RIPOR2: variants seen among roughly 807,000 people sequenced by gnomAD.
RIPOR2 encodes the protein rho family-interacting cell polarization regulator 2.
RIPOR2 carries 39 observed loss-of-function variants against 114.5 expected under a neutral mutation model. That is an observed-to-expected ratio of 0.34 (90% CI 0.26 to 0.44). RIPOR2 has a LOEUF of 0.44. Among genes scored for constraint, RIPOR2 ranks in the 20% least tolerant of loss-of-function variants. The pLI, the probability that RIPOR2 is intolerant of heterozygous loss-of-function variation, is 1.00. For missense variants in RIPOR2, 1,007 were observed against 1,255.1 expected (o/e 0.80, Z 2.99); for synonymous variants, 445 against 484.4 (o/e 0.92, Z 1.07).
At chr6:24,902,439 A>T (rs1194870328) in intron 1 of RIPOR2, among the ~76,000 whole-genome samples, 1 of 151,468 alleles carries the variant, frequency 6.6e-6, no homozygotes, top group African/African-American at 2.4e-5. Context: ...CTGGTCTCGA[A>T]CTCCTGACCT....
intron 12 of RIPOR2, among the ~76,000 whole-genome samples, chr6:24,843,952 C>T (rs1255469725): frequency 6.6e-6 from 1 of 152,102 alleles, no homozygotes; most frequent in Non-Finnish European, 1.5e-5. Flanking sequence ...ATTTAGGCAT[C>T]TATCTTAAAA....
chr6:24,884,574 C>G (rs1356530516), intron 1 of RIPOR2, among the ~76,000 whole-genome samples: 1 of 152,132 alleles, frequency 6.6e-6, no homozygotes, highest in Non-Finnish European at 1.5e-5. Context: ...TGTAGAACAA[C>G]TCAACAGAGC....
rs1010041554 is a variant in RIPOR2, at chr6:24,828,420, TCTCAAA to T, written c.2507-131_2507-126del. ...GGTCTCACTTTGTTGCCCAGGTTGG[TCTCAAA>T]CTCCTGGGCTCAAGCAGTCCTCCTG... On this transcript the variant is annotated intron_variant, in intron 17 of 21. Coordinates refer to ENST00000643898, the MANE Select transcript of RIPOR2 (RefSeq NM_001286445.3). The T allele has an allele frequency of 1.2e-5, 10 of 842,630 alleles. No homozygotes were observed. In the African/African-American group the frequency reaches 1.8e-4, roughly 15 times the overall value. 52.2% of individuals were successfully genotyped at this position (842,630 alleles called of 1,614,324 possible). A position where few individuals can be genotyped will look rare whatever the true frequency, so the allele number is the denominator to read the frequency against.
intron 1 of RIPOR2, among the ~76,000 whole-genome samples, chr6:24,892,002 G>T (rs1023278827): frequency 6.6e-6 from 1 of 152,124 alleles, no homozygotes; most frequent in Non-Finnish European, 1.5e-5. Context: ...GGGACTATAG[G>T]TGCGTGCCGC....
rs202183912 is a variant in RIPOR2, at chr6:24,958,954, T to TTTTC, written c.76+82893_76+82896dup. Reference sequence around the variant, plus strand: ...TAGATGCACCACTCCAAGCTCTACATTTTCTTTTTTTTTTGGAGACAGGGT... The same window carrying TTTTC: ...TAGATGCACCACTCCAAGCTCTACATTTTCTTTCTTTTTTTTTTGGAGACAGGGT... On this transcript the variant is annotated intron_variant, in intron 1 of 13. Coordinates refer to the RIPOR2 transcript ENST00000510784. Among the ~76,000 whole-genome samples the TTTTC allele has an allele frequency of 2.0e-4, 25 of 127,836 alleles. 8 individuals carry two copies. The highest frequency in any genetic ancestry group is 8.6e-4 in the East Asian group (4 of 4,632). 83.9% of individuals were successfully genotyped at this position (127,836 alleles called of 152,430 possible). A position where few individuals can be genotyped will look rare whatever the true frequency, so the allele number is the denominator to read the frequency against.
chr6:25,016,364 C>T (rs536366956), intron 1 of RIPOR2, among the ~76,000 whole-genome samples: 3 of 152,186 alleles, frequency 2.0e-5, no homozygotes, highest in South Asian at 4.1e-4. Context: ...CTAATCTCAG[C>T]GATTTAAAGT....
chr6:25,026,933 G>A (rs531327773), intron 1 of RIPOR2, among the ~76,000 whole-genome samples: 19 of 152,230 alleles, frequency 1.2e-4, no homozygotes, highest in Admixed American at 6.5e-4. Context: ...GACCACTCCC[G>A]GGCTCCTCAG....
At chr6:25,005,783 C>T (rs1019228942) in intron 1 of RIPOR2, among the ~76,000 whole-genome samples, 1 of 135,946 alleles carries the variant, frequency 7.4e-6, no homozygotes, top group Non-Finnish European at 1.6e-5. Flanking sequence ...ACATCACCTT[C>T]TTCTCCTGTT....
In RIPOR2 at chr6:24,830,668, T is replaced by C. The variant is rs1760598551; in HGVS notation, c.2347A>G (p.Ile783Val). Residue 783 changes from isoleucine to valine, a missense_variant and splice_region_variant, in exon 17 of 22, where the codon ATA becomes GTA. Transcript: ENST00000643898. Reference protein sequence around the residue: ...IGNISSVVEAIPEFHKKLSLL... With the variant: ...IGNISSVVEAVPEFHKKLSLL... ...GACAGCTTTTTGTGAAATTCTGGTA[T>C]GGCTGGAAAAGAAGAGCAACCCCCC... is the stretch of plus-strand genomic sequence containing the variant. The C allele has an allele frequency of 6.5e-7, 1 of 1,549,394 alleles. No individual in the cohort carries two copies. The highest frequency in any genetic ancestry group is 8.7e-7 in the Non-Finnish European group (1 of 1,146,452).
At chr6:24,832,452 C>A (rs370189104) in intron 15 of RIPOR2, 61 bp from the exon 16 acceptor site, 17 of 1,422,202 alleles carry the variant, frequency 1.2e-5, no homozygotes, top group East Asian at 9.9e-5. Context: ...CTTTCTCTAC[C>A]CAGCCTCATC....
At chr6:24,985,444 T>C (rs1774489562) in intron 1 of RIPOR2, among the ~76,000 whole-genome samples, 1 of 152,130 alleles carries the variant, frequency 6.6e-6, no homozygotes, top group African/African-American at 2.4e-5. Flanking sequence ...AACAAGTTGC[T>C]GACTGGCCCT....
rs869301317 is a variant in RIPOR2 at position 25,015,896 on chromosome 6, G to GTTTTTTTTTTTTTTTTTTTTTT, written c.76+25933_76+25954dup. ...TCCCCTTAAAAACGCAGGTTTTTTG[G>GTTTTTTTTTTTTTTTTTTTTTT]TTTTTTTTTTTTTTTTTTTTTTTTT... On this transcript the variant is annotated intron_variant, in intron 1 of 13. Coordinates refer to the RIPOR2 transcript ENST00000510784. 2.4e-4 allele frequency: 11 copies of GTTTTTTTTTTTTTTTTTTTTTT among 45,862 alleles called. 4 individuals carry two copies. Among genetic ancestry groups the GTTTTTTTTTTTTTTTTTTTTTT allele is most frequent in the African/African-American group, 3.5e-4 (5 of 14,094 alleles). 2.8% of individuals were successfully genotyped at this position (45,862 alleles called of 1,614,324 possible). A position where few individuals can be genotyped will look rare whatever the true frequency, so the allele number is the denominator to read the frequency against.
chr6:24,954,557 G>A (rs1772943142), intron 1 of RIPOR2, among the ~76,000 whole-genome samples: 1 of 150,894 alleles, frequency 6.6e-6, no homozygotes, highest in South Asian at 2.1e-4. Context: ...CCAGGCTTAA[G>A]CGTTTCTCCT....
intron 1 of RIPOR2, among the ~76,000 whole-genome samples, chr6:24,927,286 ACCACCACCACCACCACCACAAC>A (rs1771002961): frequency 6.9e-6 from 1 of 144,990 alleles, no homozygotes; most frequent in Non-Finnish European, 1.5e-5. Context: ...CACCACCACC[ACCACCACCACCACCACCACAAC>A]TACAATCACT....
chr6:24,965,735 G>A (rs938809570), intron 1 of RIPOR2, among the ~76,000 whole-genome samples: 3 of 152,100 alleles, frequency 2.0e-5, no homozygotes, highest in African/African-American at 7.2e-5. Context: ...AAAAAGAAAA[G>A]CTATACACAA....
At chr6:24,975,241 T>A (rs1053776274) in intron 1 of RIPOR2, among the ~76,000 whole-genome samples, 1 of 152,200 alleles carries the variant, frequency 6.6e-6, no homozygotes, top group South Asian at 2.1e-4. Flanking sequence ...ATTGTAGAAG[T>A]TTAAACACAA....
intron 1 of RIPOR2, among the ~76,000 whole-genome samples, chr6:24,950,608 G>A (rs1239019713): frequency 6.6e-6 from 1 of 152,202 alleles, no homozygotes; most frequent in Non-Finnish European, 1.5e-5. Flanking sequence ...CTAAGTGAAT[G>A]GGCAGTAGGG....
intron 1 of RIPOR2, among the ~76,000 whole-genome samples, chr6:25,021,163 T>G (rs942362501): frequency 7.2e-5 from 11 of 152,228 alleles, no homozygotes; most frequent in Non-Finnish European, 1.5e-4. Context: ...CCAGCTAGTT[T>G]AATCTTTATT....
In RIPOR2 at chr6:24,843,268, G is replaced by T. The variant is rs929940666; in HGVS notation, c.1451C>A (p.Pro484Gln). 1.2e-6 allele frequency: 2 copies of T among 1,613,986 alleles called. No individual in the cohort carries two copies. Residue 484 changes from proline (P) to glutamine (Q), a missense_variant, in exon 13 of 22, where the codon CCA becomes CAA. Pro to Gln is a moderately conservative substitution (Grantham distance 76). Coordinates refer to ENST00000643898, the MANE Select transcript of RIPOR2 (RefSeq NM_001286445.3). ...CGAGGCAGGTTTTCTGGGCTCCTCT[G>T]GGTCTTCCTCCTTCAGGTGTGACTT... is the stretch of plus-strand genomic sequence containing the variant. ...EPKSHLKEED[P>Q]EEPRKPASAP...
Sources: allele counts gnomAD v4.1 joint callset (sites outside exome capture counted in the v4.1 genomes callset), GRCh38; gene constraint gnomAD v4.1.1; transcripts MANE v1.5; gene names NCBI Gene and HGNC (gene_info 2026-07-23, HGNC 2026-07-21).